CATSPERB: variants seen among roughly 807,000 people sequenced by gnomAD.
CATSPERB encodes the protein cation channel sperm-associated auxiliary subunit beta.
A neutral mutation model predicts 128.3 loss-of-function variants in CATSPERB; 93 were observed. The observed-to-expected ratio is 0.72, with a 90% CI of 0.61 to 0.86. The LOEUF (loss-of-function observed/expected upper bound fraction) is 0.86, where lower values mean the gene tolerates loss of function less well. Among genes scored for constraint, CATSPERB ranks in the 40% least tolerant of loss-of-function variants. The pLI is 0.00. For missense variants in CATSPERB, 1,153 were observed against 1,329.5 expected (o/e 0.87, Z 2.06); for synonymous variants, 381 against 448.8 (o/e 0.85, Z 1.91).
chr14:91,707,933 T>C (rs1334022367), intron 6 of CATSPERB, among the ~76,000 whole-genome samples: 1 of 152,074 alleles, frequency 6.6e-6, no homozygotes, highest in Admixed American at 6.6e-5. Context: ...TATAGCACTC[T>C]TTGCAGATCT....
At chr14:91,607,091 G>T (rs1471468734) in intron 22 of CATSPERB, among the ~76,000 whole-genome samples, 14 of 118,360 alleles carry the variant, frequency 1.2e-4, no homozygotes, top group African/African-American at 1.9e-4. Context: ...GGGCGGGGGG[G>T]GGGGGGGCGG....
rs759826369 is a variant in CATSPERB, at chr14:91,639,117, A to G, written c.1566T>C (p.Asn522=). The G allele has an allele frequency of 6.2e-7, 1 of 1,613,950 alleles. No homozygotes were observed. Among genetic ancestry groups the G allele is most frequent in the Non-Finnish European group, 8.5e-7 (1 of 1,179,984 alleles). Residue 522 remains asparagine, a synonymous_variant, in exon 16 of 27, where the codon AAT becomes AAC. Coordinates refer to ENST00000256343, the MANE Select transcript of CATSPERB (RefSeq NM_024764.4). The part of the protein sequence containing the change: ...EASGPPTAFG[N]SRNLFGQPPD... ...TGACCTGTCCAAAAAGATTTCTAGA[A>G]TTTCCAAAGGCTGTGGGTGGTCCAC...
At chr14:91,630,813 A>G (rs1351811462) in intron 17 of CATSPERB, among the ~76,000 whole-genome samples, 2 of 152,170 alleles carry the variant, frequency 1.3e-5, no homozygotes, top group Admixed American at 1.3e-4. Flanking sequence ...AACATTCTCC[A>G]ATGGTTTCTG....
At chr14:91,676,454 A>C (rs980439373) in intron 11 of CATSPERB, among the ~76,000 whole-genome samples, 1 of 152,178 alleles carries the variant, frequency 6.6e-6, no homozygotes, top group African/African-American at 2.4e-5. Context: ...TTATAGCAAA[A>C]AAAATTCAGA....
At chr14:91,660,309 G>A (rs775905096) in intron 14 of CATSPERB, among the ~76,000 whole-genome samples, 1 of 152,192 alleles carries the variant, frequency 6.6e-6, no homozygotes, top group Non-Finnish European at 1.5e-5. Flanking sequence ...GTTCATAAAA[G>A]AATGGAGTGC....
intron 10 of CATSPERB, among the ~76,000 whole-genome samples, chr14:91,690,152 C>T (rs768395243): frequency 6.6e-6 from 1 of 152,124 alleles, no homozygotes; most frequent in Non-Finnish European, 1.5e-5. Context: ...ACCAACATAT[C>T]TGGCTAATTT....
In CATSPERB at chr14:91,581,236, A is replaced by G. The variant is rs866975095; in HGVS notation, c.3133-129T>C. 44 of 714,624 alleles carry G rather than the reference A, an allele frequency of 6.2e-5. 1 individual carries two copies. In the Middle Eastern group the frequency reaches 3.8e-3, roughly 61 times the overall value. 44.3% of individuals were successfully genotyped at this position (714,624 alleles called of 1,614,324 possible). ...AGAGTTACAAAGACATTCAGCATCC[A>G]CAAAGCTTGGAAACAGTCTCTTGAC... is the stretch of plus-strand genomic sequence containing the variant. On this transcript the variant is annotated intron_variant, in intron 26 of 26. Transcript: ENST00000256343.
intron 22 of CATSPERB, chr14:91,603,564 T>C: frequency 1.5e-6 from 1 of 683,214 alleles, no homozygotes; most frequent in Admixed American, 2.3e-5. Context: ...CTCTAGAGCC[T>C]GAGAAGCGCG....
intron 15 of CATSPERB, among the ~76,000 whole-genome samples, chr14:91,639,789 C>T (rs1894458060): frequency 6.6e-6 from 1 of 152,136 alleles, no homozygotes; most frequent in Non-Finnish European, 1.5e-5. Context: ...GAGACAGGGT[C>T]CCCTCCCTTG....
In CATSPERB at chr14:91,659,847, C is replaced by T. The variant is rs746017038; in HGVS notation, c.1422G>A (p.Ser474=). The T allele has an allele frequency of 1.2e-5, 19 of 1,602,994 alleles. 1 individual carries two copies. The Admixed American group carries it at 1.7e-4, about 15-fold the overall frequency. ...TFVSQRGKVY[S]TKAGMGRYSA... is the part of the protein sequence containing the mutation. Reference sequence around the variant, plus strand: ...AAGCAAATTTCTTACCTGCCTTTGTCGAGTAAACCTTTCCACGTTGAGAAA... The same window carrying T: ...AAGCAAATTTCTTACCTGCCTTTGTTGAGTAAACCTTTCCACGTTGAGAAA... The change falls in exon 15 of 27, where the codon TCG becomes TCA. Residue 474 remains serine, a synonymous_variant. Coordinates refer to ENST00000256343, the MANE Select transcript of CATSPERB (RefSeq NM_024764.4).
chr14:91,603,352 G>A lies in CATSPERB; in HGVS notation c.2709+4942C>T, dbSNP rs2139770275. The A allele has an allele frequency of 2.5e-6, 4 of 1,608,792 alleles. No individual in the cohort carries two copies. In the South Asian group the frequency reaches 4.4e-5, roughly 18 times the overall value. On this transcript the variant is annotated intron_variant, in intron 22 of 26. Transcript: ENST00000256343. Reference sequence around the variant, plus strand: ...GGGGGTGGTTTCAACACTACATCAGGTAACTTTTTACCTTTGCTAAATCCA... The same window carrying A: ...GGGGGTGGTTTCAACACTACATCAGATAACTTTTTACCTTTGCTAAATCCA...
At position 91,652,485 on chromosome 14, in the gene CATSPERB, C is replaced by A. The variant is rs1001447777; in HGVS notation, c.1432+7352G>T. ...ACCAGCCTGGCCAACAAGGTGAAAC[C>A]CTGTCTCTACTAACAATACAAAAAA... On this transcript the variant is annotated intron_variant, in intron 15 of 26. Transcript: ENST00000256343. Among the ~76,000 whole-genome samples, 5 of 147,518 alleles carry A rather than the reference C, an allele frequency of 3.4e-5. No homozygotes were observed. The East Asian group carries it at 7.9e-4, about 23-fold the overall frequency.
At chr14:91,655,211 A>G (rs923327105) in intron 15 of CATSPERB, among the ~76,000 whole-genome samples, 4 of 152,228 alleles carry the variant, frequency 2.6e-5, no homozygotes, top group Admixed American at 6.5e-5. Context: ...CCCAAGAAAG[A>G]CAGGTACGAA....
At chr14:91,636,396 A>G (rs1413304128) in intron 17 of CATSPERB, 29 bp downstream of exon 17, 1 of 1,601,694 alleles carries the variant, frequency 6.2e-7, no homozygotes, top group Non-Finnish European at 8.5e-7. Flanking sequence ...AGAAACCAAT[A>G]TGCCATCTAA....
intron 22 of CATSPERB, among the ~76,000 whole-genome samples, chr14:91,598,178 A>C (rs1893542330): frequency 6.6e-6 from 1 of 151,750 alleles, no homozygotes; most frequent in African/African-American, 2.4e-5. Flanking sequence ...TTTTTTACCT[A>C]AAAATAAAAC....
chr14:91,696,744 T>C (rs1222910128), intron 7 of CATSPERB, among the ~76,000 whole-genome samples: 1 of 152,024 alleles, frequency 6.6e-6, no homozygotes, highest in African/African-American at 2.4e-5. Context: ...AAGATGAGAA[T>C]TGCACAACAG....
intron 5 of CATSPERB, among the ~76,000 whole-genome samples, chr14:91,715,659 A>G (rs1895926523): frequency 6.6e-6 from 1 of 152,168 alleles, no homozygotes; most frequent in South Asian, 2.1e-4. Flanking sequence ...GTAGAAGTAA[A>G]CAAGTTGATT....
intron 26 of CATSPERB, among the ~76,000 whole-genome samples, chr14:91,585,191 GT>G (rs1893276789): frequency 6.6e-6 from 1 of 151,750 alleles, no homozygotes; most frequent in African/African-American, 2.4e-5. Flanking sequence ...TAATTTTTTT[GT>G]ATTTGTAGAG....
At chr14:91,668,686 C>T (rs1289916092) in intron 14 of CATSPERB, among the ~76,000 whole-genome samples, 1 of 152,218 alleles carries the variant, frequency 6.6e-6, no homozygotes, top group African/African-American at 2.4e-5. Context: ...CGGCTTCATT[C>T]CTGAAATCAG....
Sources: allele counts gnomAD v4.1 joint callset (sites outside exome capture counted in the v4.1 genomes callset), GRCh38; gene constraint gnomAD v4.1.1; transcripts MANE v1.5; gene names NCBI Gene and HGNC (gene_info 2026-07-23, HGNC 2026-07-21).